EFTUD2: variants seen among roughly 807,000 people sequenced by gnomAD.
EFTUD2 encodes 116 kDa U5 small nuclear ribonucleoprotein component.
In EFTUD2, 9 loss-of-function variants were observed where a neutral mutation model predicts 114.3. The ratio of observed to expected loss-of-function variants is 0.08; its 90% CI spans 0.05 to 0.14. The LOEUF (loss-of-function observed/expected upper bound fraction) is 0.14, where lower values mean the gene tolerates loss of function less well. Ranked by LOEUF, EFTUD2 falls within the 10% of genes least tolerant of loss-of-function variation. The pLI, the probability that EFTUD2 is intolerant of heterozygous loss-of-function variation, is 1.00. For missense variants in EFTUD2, 765 were observed against 1,241.2 expected, an observed-to-expected ratio of 0.62 and a Z score of 5.76; for synonymous variants, 449 against 462.3, an observed-to-expected ratio of 0.97 and a Z score of 0.37.
At chr17:44,871,116 G>A (rs1333137256) in intron 11 of EFTUD2, among the ~76,000 whole-genome samples, 1 of 151,968 alleles carries the variant, frequency 6.6e-6, no homozygotes, top group East Asian at 1.9e-4. Flanking sequence ...ACGGCTCACT[G>A]TAGCCTCAAC....
chr17:44,890,545 A>G (rs1306663719), intron 2 of EFTUD2, among the ~76,000 whole-genome samples: 1 of 151,706 alleles, frequency 6.6e-6, no homozygotes, highest in Non-Finnish European at 1.5e-5. Context: ...ATACAAAACT[A>G]GCCGGGCGTG....
In EFTUD2 at chr17:44,854,156, G is replaced by T; in HGVS notation, c.2347+113C>A. On this transcript the variant is annotated intron_variant, in intron 23 of 27. Coordinates refer to ENST00000426333, the MANE Select transcript of EFTUD2 (RefSeq NM_004247.4). This position sits in a 1 kb window ranked among gnomAD's most constrained non-coding sequence, Gnocchi z 4.3. ...GGCCCAGGACTTGGGATGGTCCTGT[G>T]TACCCCAAGCTGCTTCTCCTGCCGA... 7.0e-7 allele frequency: 1 copy of T among 1,423,372 alleles called. No individual in the cohort carries two copies. The highest frequency in any genetic ancestry group is 9.5e-7 in the Non-Finnish European group (1 of 1,053,610). The allele number at this position is 1,423,372 out of a possible 1,614,324, so 88.2% of individuals were successfully genotyped here.
chr17:44,885,355 A>T (rs755016674), intron 3 of EFTUD2, 21 bp from the exon 4 acceptor site: 26 of 1,554,582 alleles, frequency 1.7e-5, no homozygotes, highest in Non-Finnish European at 2.1e-5. Flanking sequence ...AAAAAAAGGT[A>T]GTGATGTGTA....
chr17:44,853,018 C>T (rs1318014098), intron 25 of EFTUD2, among the ~76,000 whole-genome samples: 2 of 152,098 alleles, frequency 1.3e-5, no homozygotes, highest in African/African-American at 2.4e-5. Context: ...GTAGCTGGGA[C>T]TACAGGCACC....
intron 19 of EFTUD2, among the ~76,000 whole-genome samples, chr17:44,857,815 C>CT (rs910716248): frequency 6.6e-5 from 10 of 152,164 alleles, no homozygotes; most frequent in Admixed American, 2.0e-4. Context: ...ACCACCCACT[C>CT]TGAGACCTAA....
At chr17:44,858,756 TA>T (rs2145454029) in intron 19 of EFTUD2, among the ~76,000 whole-genome samples, 1 of 152,142 alleles carries the variant, frequency 6.6e-6, no homozygotes, top group East Asian at 1.9e-4. Context: ...CTATTTTTTT[TA>T]TTTTAATTTT....
At chr17:44,866,895 C>T (rs987258681) in intron 13 of EFTUD2, among the ~76,000 whole-genome samples, 26 of 152,160 alleles carry the variant, frequency 1.7e-4, no homozygotes, top group African/African-American at 6.0e-4. Context: ...CTTGAGGCTA[C>T]AAGTTTGAGA....
chr17:44,874,035 CTTTT>C (rs35563732), intron 10 of EFTUD2, among the ~76,000 whole-genome samples: 13 of 115,474 alleles, frequency 1.1e-4, no homozygotes, highest in African/African-American at 2.3e-4. Flanking sequence ...TGCCCGGCCT[CTTTT>C]TTTTTTTTTT....
At position 44,854,078 on chromosome 17, in the gene EFTUD2, A is replaced by C. The variant is rs1889188979; in HGVS notation, c.2347+191T>G. The C allele has an allele frequency of 5.0e-6, 7 of 1,412,290 alleles. No homozygotes were observed. Among genetic ancestry groups the C allele is most frequent in the Non-Finnish European group, 6.4e-6 (7 of 1,088,274 alleles). 87.5% of individuals were successfully genotyped at this position (1,412,290 alleles called of 1,614,324 possible). On this transcript the variant is annotated intron_variant, in intron 23 of 27. Transcript: ENST00000426333. The surrounding 1 kb of genome is among the most constrained non-coding windows in gnomAD (Gnocchi z 4.3). ...AAATGACAGTTTAGAAATGACTTAA[A>C]TTTCCATTTCCAGGCTACACCACCA...
Position 44,885,346 on chromosome 17 carries a change from A to C in EFTUD2, c.272-12T>G. The stretch of plus-strand genomic sequence containing the variant: ...CTTAATAATGGGTTCTAGAAGAAAA[A>C]AAAAAGGTAGTGATGTGTAGGTGGG... On this transcript the variant is annotated splice_polypyrimidine_tract_variant and intron_variant, in intron 3 of 27. Coordinates refer to ENST00000426333, the MANE Select transcript of EFTUD2 (RefSeq NM_004247.4). The C allele has an allele frequency of 6.2e-7, 1 of 1,602,430 alleles. No homozygotes were observed.
In EFTUD2 at chr17:44,862,865, A is replaced by G; in HGVS notation, c.1455T>C (p.Asp485=). The change falls in exon 16 of 28, where the codon GAT becomes GAC. Residue 485 remains aspartate, a synonymous_variant. Transcript: ENST00000426333. ...CAAAGGCGTGAAACTGGACTCCATCATCTGTGCTGTACATCTTAGTAGTGT... is the reference window on the plus strand; with the variant it reads ...CAAAGGCGTGAAACTGGACTCCATCGTCTGTGCTGTACATCTTAGTAGTGT... The part of the protein sequence containing the change: ...MCHTTKMYST[D]DGVQFHAFGR... The G allele has an allele frequency of 6.2e-7, 1 of 1,614,190 alleles. No individual in the cohort carries two copies. The highest frequency in any genetic ancestry group is 8.5e-7 in the Non-Finnish European group (1 of 1,180,018).
intron 2 of EFTUD2, among the ~76,000 whole-genome samples, chr17:44,889,179 A>T (rs967725219): frequency 6.6e-6 from 1 of 152,164 alleles, no homozygotes; most frequent in Non-Finnish European, 1.5e-5. Flanking sequence ...CAGGCAGGTC[A>T]TGTGGGCTGA....
chr17:44,853,462 C>A, intron 24 of EFTUD2, 55 bp downstream of exon 24: 1 of 1,611,942 alleles, frequency 6.2e-7, no homozygotes, highest in Non-Finnish European at 8.5e-7. Context: ...CTTGCTCCTT[C>A]ACTTAGTCCC....
intron 11 of EFTUD2, among the ~76,000 whole-genome samples, chr17:44,870,992 T>G (rs1340012717): frequency 6.6e-6 from 1 of 151,782 alleles, no homozygotes; most frequent in African/African-American, 2.4e-5. Context: ...CACTCCAGCC[T>G]AGGCAACAGA....
At chr17:44,875,134 G>A (rs940433410) in intron 10 of EFTUD2, among the ~76,000 whole-genome samples, 12 of 151,948 alleles carry the variant, frequency 7.9e-5, no homozygotes, top group African/African-American at 2.7e-4. Flanking sequence ...GGAAGGCCAA[G>A]GTGGAAGAAT....
intron 18 of EFTUD2, chr17:44,859,580 A>T: frequency 2.0e-6 from 1 of 507,856 alleles, no homozygotes; most frequent in Non-Finnish European, 3.6e-6. Context: ...AATCAATTCA[A>T]AGTATACTCA....
At chr17:44,867,963 T>A in intron 12 of EFTUD2, 66 bp from the exon 13 acceptor site, 1 of 1,434,350 alleles carries the variant, frequency 7.0e-7, no homozygotes, top group Non-Finnish European at 9.4e-7. Flanking sequence ...CCAAGAGGCA[T>A]TGTCTAAGTG....
At chr17:44,864,493 C>T (rs776988062) in intron 14 of EFTUD2, among the ~76,000 whole-genome samples, 7 of 152,154 alleles carry the variant, frequency 4.6e-5, no homozygotes, top group Non-Finnish European at 7.3e-5. Context: ...AGGGCAGGAT[C>T]GAGACAGACT....
rs113854109 is a variant in EFTUD2 at position 44,877,929 on chromosome 17, C to G, written c.702+1627G>C. On this transcript the variant is annotated intron_variant, in intron 9 of 27. Transcript: ENST00000426333. ...GGCAGATCACTTGAGGTCAGGAGTT[C>G]GAGACCAGCCTGGCCAACATGGTGA... Among the ~76,000 whole-genome samples, 1,096 of 152,094 alleles carry G rather than the reference C, an allele frequency of 7.2e-3. 14 individuals carry two copies. Among genetic ancestry groups the G allele is most frequent in the African/African-American group, 0.017 (695 of 41,460 alleles).
Sources: gnomAD v4.1 joint callset for allele counts (sites outside exome capture counted in the v4.1 genomes callset) on GRCh38, gnomAD v4.1.1 for gene constraint, Gnocchi (gnomAD v3.1) non-coding constraint, MANE v1.5 for transcripts, NCBI Gene and HGNC (gene_info 2026-07-23, HGNC 2026-07-21) for gene names.